Variants in KASH5 observed in about 807,000 individuals in gnomAD.
The protein encoded by KASH5 is protein KASH5.
In KASH5, 72 loss-of-function variants were observed where a neutral mutation model predicts 84.2. The ratio of observed to expected loss-of-function variants is 0.85; its 90% CI spans 0.71 to 1.04. KASH5 has a LOEUF of 1.04. Among genes scored for constraint, KASH5 ranks in the 50% least tolerant of loss-of-function variants. The probability of loss-of-function intolerance (pLI) is 0.00; values close to 1 mark genes in which losing one functional copy is unlikely to be tolerated. For synonymous variants in KASH5, 260 were observed against 279.1 expected (o/e 0.93, Z 0.68); for missense variants, 650 against 701.0 (o/e 0.93, Z 0.82).
In KASH5 at chr19:49,399,555, GTCT is replaced by G; in HGVS notation, c.798+53_798+55del. On this transcript the variant is annotated intron_variant, in intron 9 of 19. Coordinates refer to ENST00000447857, the MANE Select transcript of KASH5 (RefSeq NM_144688.5). The surrounding 1 kb of genome is among the most constrained non-coding windows in gnomAD (Gnocchi z 4.4). ...CCCCACCCCTTCCCCAGTCCTTAAG[GTCT>G]TCTTGACACCACTCCCTTCTGCCCC... is the stretch of plus-strand genomic sequence containing the variant. 1.3e-6 allele frequency: 2 copies of G among 1,572,142 alleles called. No individual in the cohort carries two copies. Among genetic ancestry groups the G allele is most frequent in the Non-Finnish European group, 8.6e-7 (1 of 1,158,408 alleles).
chr19:49,412,166 G>T lies in KASH5; in HGVS notation c.1270-802G>T, dbSNP rs538700460. On this transcript the variant is annotated intron_variant, in intron 15 of 19. Transcript: ENST00000447857. This position sits in a 1 kb window ranked among gnomAD's most constrained non-coding sequence, Gnocchi z 4.6. ...TTCATAAAGCCACAAGAAGGGTGGG[G>T]TCAGCTCCGGGCTTAAAAAGATCCC... Among the ~76,000 whole-genome samples, 1 of 152,152 alleles carries T rather than the reference G, an allele frequency of 6.6e-6. No individual in the cohort carries two copies. The highest frequency in any genetic ancestry group is 2.4e-5 in the African/African-American group (1 of 41,428).
intron 9 of KASH5, among the ~76,000 whole-genome samples, chr19:49,406,381 G>T (rs887314612): frequency 1.1e-4 from 17 of 151,876 alleles, no homozygotes; most frequent in Non-Finnish European, 1.8e-4. Context: ...CCGTTTTTTT[G>T]TTGTTGTTTT....
chr19:49,411,107 A>C (rs1345202536), intron 15 of KASH5, among the ~76,000 whole-genome samples: 1 of 150,574 alleles, frequency 6.6e-6, no homozygotes, highest in Non-Finnish European at 1.5e-5. Context: ...GTGTAGCTAA[A>C]TTTTCTATTT....
At position 49,417,324 on chromosome 19, in the gene KASH5, G is replaced by A; in HGVS notation, c.1548-45G>A. 1.3e-6 allele frequency: 2 copies of A among 1,572,842 alleles called. No homozygotes were observed. The highest frequency in any genetic ancestry group is 1.7e-6 in the Non-Finnish European group (2 of 1,158,574). On this transcript the variant is annotated intron_variant, in intron 19 of 19. Transcript: ENST00000447857. The surrounding 1 kb of genome is among the most constrained non-coding windows in gnomAD (Gnocchi z 5.2). ...GTGGTCTGACATTGGGAAGAGCAGG[G>A]GCTGCCCAGACCCTGCCCTAAATGC...
chr19:49,415,050 G>T, intron 17 of KASH5, 54 bp downstream of exon 17: 2 of 1,541,332 alleles, frequency 1.3e-6, no homozygotes, highest in Middle Eastern at 1.7e-4. Context: ...CACCCACAGA[G>T]GCTGAGTCGT....
At chr19:49,397,800 A>G in intron 6 of KASH5, 83 bp downstream of exon 6, 1 of 1,525,428 alleles carries the variant, frequency 6.6e-7, no homozygotes, top group South Asian at 1.1e-5. Context: ...AGGGCTTGGG[A>G]TCCTTCAGGG....
chr19:49,395,644 TAC>T lies in KASH5; in HGVS notation c.336-124_336-123del. 1 of 937,426 alleles carries T rather than the reference TAC, an allele frequency of 1.1e-6. No homozygotes were observed. The highest frequency in any genetic ancestry group is 1.6e-6 in the Non-Finnish European group (1 of 610,124). The allele number at this position is 937,426 out of a possible 1,614,324, so 58.1% of individuals were successfully genotyped here. A position where few individuals can be genotyped will look rare whatever the true frequency, so the allele number is the denominator to read the frequency against. On this transcript the variant is annotated intron_variant, in intron 4 of 19. Transcript: ENST00000447857. The surrounding 1 kb of genome is among the most constrained non-coding windows in gnomAD (Gnocchi z 4.4). ...CACTTGCCATCTGGCCTCACCCTCC[TAC>T]CCTGTGGTGCCAGCTCTCACCTGAC...
intron 10 of KASH5, 89 bp from the exon 11 acceptor site, chr19:49,407,151 G>T (rs2122185794): frequency 1.4e-6 from 2 of 1,470,326 alleles, no homozygotes; most frequent in East Asian, 2.3e-5. Flanking sequence ...ATACGTGGGG[G>T]TGCGAGAGAA....
At chr19:49,411,651 G>T (rs570879772) in intron 15 of KASH5, among the ~76,000 whole-genome samples, 2 of 152,132 alleles carry the variant, frequency 1.3e-5, no homozygotes, top group East Asian at 3.9e-4. Context: ...AGGCCTCAGA[G>T]TGCAACCTGC....
chr19:49,405,837 T>G (rs926927691), intron 9 of KASH5, among the ~76,000 whole-genome samples: 1 of 150,982 alleles, frequency 6.6e-6, no homozygotes, highest in African/African-American at 2.4e-5. Flanking sequence ...ATGCCTGTAA[T>G]CCCAGCTACT....
In KASH5 at chr19:49,417,451, T is replaced by C. The variant is rs377124890; in HGVS notation, c.1630T>C (p.Ser544Pro). Reference protein sequence around the residue: ...LLLSVLLLGPSPPPTWPHLQL... With the variant: ...LLLSVLLLGPPPPPTWPHLQL... The stretch of plus-strand genomic sequence containing the variant: ...GCTCTCTGTCCTGCTGCTTGGCCCG[T>C]CCCCACCTCCCACCTGGCCCCACCT... Residue 544 changes from serine (S) to proline (P), a missense_variant, in exon 20 of 20, where the codon TCC (serine) becomes CCC (proline). By Grantham distance (74) the Ser-to-Pro change is moderately conservative (BLOSUM62 -1). Coordinates refer to ENST00000447857, the MANE Select transcript of KASH5 (RefSeq NM_144688.5). The surrounding 1 kb of genome is among the most constrained non-coding windows in gnomAD (Gnocchi z 5.2). 5 of 1,554,686 alleles carry C rather than the reference T, an allele frequency of 3.2e-6. No homozygotes were observed. In the South Asian group the frequency reaches 3.6e-5, roughly 11 times the overall value.
In KASH5 at chr19:49,395,917, T is replaced by G. The variant is rs111581827; in HGVS notation, c.400+84T>G. The G allele has an allele frequency of 3.5e-3, 4,178 of 1,177,754 alleles. 50 individuals are homozygous for G. Among genetic ancestry groups the G allele is most frequent in the African/African-American group, 0.013 (840 of 66,112 alleles). 73.0% of individuals were successfully genotyped at this position (1,177,754 alleles called of 1,614,324 possible). A position where few individuals can be genotyped will look rare whatever the true frequency, so the allele number is the denominator to read the frequency against. On this transcript the variant is annotated intron_variant, in intron 5 of 19. Coordinates refer to ENST00000447857, the MANE Select transcript of KASH5 (RefSeq NM_144688.5). This position sits in a 1 kb window ranked among gnomAD's most constrained non-coding sequence, Gnocchi z 4.4. ...TTACCACCCAGGGCAGAGCAAGGGA[T>G]AGGGTAGGAACCAGGGACCTTTACT... is the stretch of plus-strand genomic sequence containing the variant.
rs771453282 is a variant in KASH5 at position 49,399,154 on chromosome 19, C to T, written c.747+12C>T. ...AAGCCCGGCAGGCGGTGGGTCTGGC[C>T]CAGGGGAAGGAAGGTGCCCTCTCTC... On this transcript the variant is annotated intron_variant, in intron 8 of 19. Coordinates refer to ENST00000447857, the MANE Select transcript of KASH5 (RefSeq NM_144688.5). The surrounding 1 kb of genome is among the most constrained non-coding windows in gnomAD (Gnocchi z 4.4). 18 of 1,540,024 alleles carry T rather than the reference C, an allele frequency of 1.2e-5. No homozygotes were observed. Among genetic ancestry groups the T allele is most frequent in the Non-Finnish European group, 1.4e-5 (16 of 1,141,706 alleles).
chr19:49,395,160 G>A lies in KASH5; in HGVS notation c.203G>A (p.Gly68Asp), dbSNP rs746021819. The A allele has an allele frequency of 9.9e-6, 16 of 1,612,712 alleles. No individual in the cohort carries two copies. The East Asian group carries it at 3.1e-4, about 31-fold the overall frequency. ...TACCTGGAGGCTGTGACAGGCCAGG[G>A]CCCCCAGGATGCACGCCTCCAAACA... ...LAYLEAVTGQGPQDARLQTLA... is the reference protein window; with the variant it reads ...LAYLEAVTGQDPQDARLQTLA... Residue 68 changes from glycine (G) to aspartate (D), a missense_variant, in exon 4 of 20, where the codon GGC becomes GAC. By Grantham distance (94) the Gly-to-Asp change is moderately conservative. Transcript: ENST00000447857. This position sits in a 1 kb window ranked among gnomAD's most constrained non-coding sequence, Gnocchi z 4.4.
chr19:49,413,132 C>T (rs746204006), intron 16 of KASH5, 106 bp downstream of exon 16: 40 of 1,126,102 alleles, frequency 3.6e-5, no homozygotes, highest in Non-Finnish European at 4.1e-5. Flanking sequence ...CATTCATTCA[C>T]TCCTTCTTCA....
chr19:49,397,847 G>A, intron 6 of KASH5, 130 bp downstream of exon 6: 9 of 1,420,828 alleles, frequency 6.3e-6, no homozygotes, highest in Non-Finnish European at 8.7e-6. Flanking sequence ...GAAAGTTCAG[G>A]GAGAGCAGAG....
In KASH5 at chr19:49,407,924, AT is replaced by A. The variant is rs796684370; in HGVS notation, c.993+263del. ...CTCACACACCTCCTCTCCTTATCTT[AT>A]TTTTTTTTTGAGACGGAGTCTTGCT... On this transcript the variant is annotated intron_variant, in intron 12 of 19. Transcript: ENST00000447857. Among the ~76,000 whole-genome samples, 1,039 of 147,850 alleles carry A rather than the reference AT, an allele frequency of 7.0e-3. 15 individuals are homozygous for A. Among genetic ancestry groups the A allele is most frequent in the African/African-American group, 0.025 (992 of 40,332 alleles).
Position 49,398,038 on chromosome 19 carries a change from G to A in KASH5, c.524G>A (p.Arg175His), listed in dbSNP as rs377267860. 28 of 1,613,816 alleles carry A rather than the reference G, an allele frequency of 1.7e-5. No homozygotes were observed. In the African/African-American group the frequency reaches 1.7e-4, roughly 10 times the overall value. ...SLEDLELSNR[R>H]LVGENAKLQR... ...GAGGACCTGGAGCTCAGCAACCGACGTCTGGTTGGGGAGAATGCCAAATTG... is the reference window on the plus strand; with the variant it reads ...GAGGACCTGGAGCTCAGCAACCGACATCTGGTTGGGGAGAATGCCAAATTG... The change falls in exon 7 of 20, where the codon CGT (arginine) becomes CAT (histidine). Residue 175 changes from arginine to histidine, a missense_variant. Physicochemically the swap from Arg to His is conservative, Grantham distance 29 (BLOSUM62 0). Coordinates refer to ENST00000447857, the MANE Select transcript of KASH5 (RefSeq NM_144688.5).
In KASH5 at chr19:49,398,000, G is replaced by A; in HGVS notation, c.486G>A (p.Leu162=). ...PRPELQATAD[L]LSSLEDLELS... is the part of the protein sequence containing the mutation. ...CCCCTAGACAAGCCACAGCTGACCT[G>A]CTGAGCAGCCTGGAGGACCTGGAGC... is the stretch of plus-strand genomic sequence containing the variant. Residue 162 remains leucine (L), a synonymous_variant, in exon 7 of 20, where the codon CTG becomes CTA. Coordinates refer to ENST00000447857, the MANE Select transcript of KASH5 (RefSeq NM_144688.5). The A allele has an allele frequency of 6.2e-7, 1 of 1,613,912 alleles. No homozygotes were observed. The highest frequency in any genetic ancestry group is 8.5e-7 in the Non-Finnish European group (1 of 1,179,836).
Sources: allele counts gnomAD v4.1 joint callset (sites outside exome capture counted in the v4.1 genomes callset), GRCh38; gene constraint gnomAD v4.1.1; non-coding constraint Gnocchi (gnomAD v3.1); transcripts MANE v1.5; gene names NCBI Gene and HGNC (gene_info 2026-07-23, HGNC 2026-07-21).